Variants in MTA1 observed in about 807,000 individuals in gnomAD.
MTA1 encodes the protein metastasis-associated protein MTA1.
Under a neutral mutation model 97.0 loss-of-function variants are expected in MTA1, and 15 were observed. That is an observed-to-expected ratio of 0.15 (90% CI 0.10 to 0.24). MTA1 has a LOEUF of 0.24. MTA1 is among the 10% of genes least tolerant of loss of function. The pLI, the probability that MTA1 is intolerant of heterozygous loss-of-function variation, is 1.00. For missense variants in MTA1, 709 were observed against 1,015.1 expected (o/e 0.70, Z 4.10); for synonymous variants, 435 against 417.5 (o/e 1.04, Z -0.51).
chr14:105,454,341 T>TCTGTC (rs782002307), intron 7 of MTA1, 31 bp downstream of exon 7: 15 of 1,500,686 alleles, frequency 1.0e-5, no homozygotes, highest in Admixed American at 6.7e-5. Flanking sequence ...CATGGAGCCC[T>TCTGTC]CTGTCCTGTC....
chr14:105,464,214 C>T, intron 13 of MTA1, 67 bp downstream of exon 13: 1 of 1,523,592 alleles, frequency 6.6e-7, no homozygotes, highest in Non-Finnish European at 9.0e-7. Flanking sequence ...CTGCGTTGGC[C>T]CTGAGGGCTC....
chr14:105,465,273 T>C, intron 16 of MTA1, 90 bp downstream of exon 16: 1 of 1,142,376 alleles, frequency 8.8e-7, no homozygotes, highest in Non-Finnish European at 1.2e-6. Context: ...CAGCCTTCTC[T>C]AGCTGGGAGC....
chr14:105,466,919 A>C, intron 18 of MTA1, 177 bp downstream of exon 18: 3 of 656,696 alleles, frequency 4.6e-6, no homozygotes, highest in Admixed American at 3.2e-5. Flanking sequence ...CTTGGTGAAG[A>C]CCCCCCGAGC....
chr14:105,463,227 TG>T lies in MTA1; in HGVS notation c.987del (p.Met329IlefsTer14). The stretch of plus-strand genomic sequence containing the variant: ...ACCAGCATCATTGAGTACTACTACA[TG>T]TGGAAGACCACCGACAGATACGTGC... ...SLTSIIEYYY[M>X]WKTTDRYVQQ... On this transcript the variant is annotated frameshift_variant, in exon 11 of 21. Coordinates refer to ENST00000331320, the MANE Select transcript of MTA1 (RefSeq NM_004689.4). LOFTEE classifies it high-confidence loss of function. This position sits in a 1 kb window ranked among gnomAD's most constrained non-coding sequence, Gnocchi z 5.9. The T allele has an allele frequency of 6.2e-7, 1 of 1,611,002 alleles. No homozygotes were observed. The highest frequency in any genetic ancestry group is 8.5e-7 in the Non-Finnish European group (1 of 1,179,756).
intron 18 of MTA1, 26 bp downstream of exon 18, chr14:105,466,768 G>A (rs1201834974): frequency 3.2e-5 from 50 of 1,558,858 alleles, no homozygotes; most frequent in Admixed American, 5.7e-5. Flanking sequence ...GCGGGCGGGC[G>A]CTGCGCCGGC....
intron 1 of MTA1, among the ~76,000 whole-genome samples, chr14:105,432,318 G>A (rs782627433): frequency 3.9e-5 from 6 of 152,056 alleles, no homozygotes; most frequent in East Asian, 1.9e-4. Flanking sequence ...TCGGCTCACC[G>A]CAACCTCTGC....
rs587726747 is a variant in MTA1, at chr14:105,464,883, C to T, written c.1534+20C>T. 1.3e-4 allele frequency: 195 copies of T among 1,544,376 alleles called. 3 individuals carry two copies. In the East Asian group the frequency reaches 4.0e-3, roughly 32 times the overall value. ...CCGAGTGTGAGTCACCCCAACGCCC[C>T]GCTTACTCTGTTCCTGCGGGTGGTG... is the stretch of plus-strand genomic sequence containing the variant. On this transcript the variant is annotated intron_variant, in intron 15 of 20. Transcript: ENST00000331320.
chr14:105,451,725 C>T (rs2082936516), intron 6 of MTA1, among the ~76,000 whole-genome samples: 1 of 151,936 alleles, frequency 6.6e-6, no homozygotes, highest in Admixed American at 6.6e-5. Flanking sequence ...GCTCAGGCAC[C>T]CTGAAACCCT....
Position 105,420,949 on chromosome 14 carries a change from A to G in MTA1, c.28+886A>G, listed in dbSNP as rs1390674615. 6.6e-6 allele frequency among the ~76,000 whole-genome samples: 1 copy of G among 151,056 alleles called. No homozygotes were observed. Among genetic ancestry groups the G allele is most frequent in the African/African-American group, 2.4e-5 (1 of 40,990 alleles). ...CGGGCAGGTGCTCATTACCTTTCCC[A>G]CCTGCAGCCTGCGCTGCTGGAGGGA... On this transcript the variant is annotated intron_variant, in intron 1 of 20. Coordinates refer to ENST00000331320, the MANE Select transcript of MTA1 (RefSeq NM_004689.4). This position sits in a 1 kb window ranked among gnomAD's most constrained non-coding sequence, Gnocchi z 5.3.
intron 18 of MTA1, chr14:105,468,102 G>A: frequency 2.8e-6 from 1 of 361,850 alleles, no homozygotes; most frequent in Non-Finnish European, 5.5e-6. Context: ...GGTGAAGACG[G>A]CTCCCGGGGG....
At chr14:105,432,867 G>T (rs587650878) in intron 1 of MTA1, among the ~76,000 whole-genome samples, 1 of 152,186 alleles carries the variant, frequency 6.6e-6, no homozygotes, top group African/African-American at 2.4e-5. Context: ...TCACACTGTG[G>T]TTACAGCAGA....
chr14:105,464,900 CG>C (rs781881593), intron 15 of MTA1, 37 bp downstream of exon 15: 3 of 1,524,512 alleles, frequency 2.0e-6, no homozygotes, highest in Non-Finnish European at 1.8e-6. Flanking sequence ...TCTGTTCCTG[CG>C]GGTGGTGGGG....
chr14:105,429,752 C>CTTTTTTTT lies in MTA1; in HGVS notation c.29-8906_29-8899dup, dbSNP rs59028638. Among the ~76,000 whole-genome samples the CTTTTTTTT allele has an allele frequency of 1.2e-3, 60 of 50,562 alleles. 7 individuals carry two copies. Among genetic ancestry groups the CTTTTTTTT allele is most frequent in the East Asian group, 2.3e-3 (3 of 1,278 alleles). 33.2% of individuals were successfully genotyped at this position (50,562 alleles called of 152,430 possible). On this transcript the variant is annotated intron_variant, in intron 1 of 20. Transcript: ENST00000331320. ...ACAGACGTGAGCCACTGCGCCCGGC[C>CTTTTTTTT]TTTTTTTTTTTTTTTTTTTTTGGTG...
intron 2 of MTA1, among the ~76,000 whole-genome samples, chr14:105,439,374 T>C (rs2082432393): frequency 6.6e-6 from 1 of 152,134 alleles, no homozygotes. Flanking sequence ...TGCCCATGCA[T>C]TGAGCCTGGC....
intron 1 of MTA1, among the ~76,000 whole-genome samples, chr14:105,428,605 G>A (rs1312928153): frequency 6.6e-6 from 1 of 152,120 alleles, no homozygotes; most frequent in Non-Finnish European, 1.5e-5. Flanking sequence ...AGGAATCCTT[G>A]AACTTTGTTC....
At chr14:105,423,098 G>A (rs2081897999) in intron 1 of MTA1, among the ~76,000 whole-genome samples, 2 of 152,108 alleles carry the variant, frequency 1.3e-5, no homozygotes. Flanking sequence ...GCCGCCTGCA[G>A]CTTGCTCATG....
rs1002112345 is a variant in MTA1, at chr14:105,464,696, G to A, written c.1367G>A (p.Arg456Gln). Residue 456 changes from arginine (R) to glutamine (Q), a missense_variant, in exon 15 of 21, where the codon CGG (arginine) becomes CAG (glutamine). Arg to Gln is a conservative substitution (Grantham distance 43, BLOSUM62 1). Coordinates refer to ENST00000331320, the MANE Select transcript of MTA1 (RefSeq NM_004689.4). Reference protein sequence around the residue: ...SNMSPHGLPARSSGSPKFAMK... With the variant: ...SNMSPHGLPAQSSGSPKFAMK... The stretch of plus-strand genomic sequence containing the variant: ...CAGAGTCCCCACGGCCTCCCAGCCC[G>A]GAGCAGCGGGAGCCCCAAGTTTGCC... 10 of 1,604,608 alleles carry A rather than the reference G, an allele frequency of 6.2e-6. No homozygotes were observed. The highest frequency in any genetic ancestry group is 1.6e-4 in the Middle Eastern group (1 of 6,064).
Position 105,466,408 on chromosome 14 carries a change from C to A in MTA1, c.1625-18C>A. The stretch of plus-strand genomic sequence containing the variant: ...GCTGGGCAGAGGCAACTCGTTCTGC[C>A]TGTGTCATTCCCGGCAGAGACCCAC... On this transcript the variant is annotated intron_variant, in intron 16 of 20. Transcript: ENST00000331320. The A allele has an allele frequency of 6.3e-7, 1 of 1,595,266 alleles. No individual in the cohort carries two copies. Among genetic ancestry groups the A allele is most frequent in the Non-Finnish European group, 8.6e-7 (1 of 1,169,290 alleles).
chr14:105,462,967 C>T (rs1374944667), intron 10 of MTA1, among the ~76,000 whole-genome samples: 5 of 152,206 alleles, frequency 3.3e-5, no homozygotes, highest in East Asian at 1.9e-4. Flanking sequence ...CTTCCCCTGG[C>T]GTCACTGTGT....
Sources: allele counts gnomAD v4.1 joint callset (sites outside exome capture counted in the v4.1 genomes callset), GRCh38; gene constraint gnomAD v4.1.1; non-coding constraint Gnocchi (gnomAD v3.1); transcripts MANE v1.5; gene names NCBI Gene and HGNC (gene_info 2026-07-23, HGNC 2026-07-21).